CNTN3: variants seen among roughly 807,000 people sequenced by gnomAD.
CNTN3 encodes the protein contactin-3.
A neutral mutation model predicts 119.1 loss-of-function variants in CNTN3; 60 were observed. That is an observed-to-expected ratio of 0.50 (90% CI 0.41 to 0.62). The LOEUF is 0.62. Ranked by LOEUF, CNTN3 falls within the 20% of genes least tolerant of loss-of-function variation. CNTN3 has a pLI of 0.00. For synonymous variants in CNTN3, 450 were observed against 438.7 expected, an observed-to-expected ratio of 1.03 and a Z score of -0.32; for missense variants, 1,101 against 1,242.4, an observed-to-expected ratio of 0.89 and a Z score of 1.71.
At chr3:74,472,378 C>A (rs1462460591) in intron 4 of CNTN3, among the ~76,000 whole-genome samples, 1 of 152,066 alleles carries the variant, frequency 6.6e-6, no homozygotes, top group African/African-American at 2.4e-5. Flanking sequence ...CATAGCAAGT[C>A]CAGTGAAAAT....
chr3:74,403,428 T>A (rs1257459346), intron 5 of CNTN3, among the ~76,000 whole-genome samples: 1 of 152,124 alleles, frequency 6.6e-6, no homozygotes, highest in African/African-American at 2.4e-5. Flanking sequence ...TTGAGAAAAG[T>A]CACAAAGCAC....
intron 11 of CNTN3, among the ~76,000 whole-genome samples, chr3:74,340,128 A>C (rs762556562): frequency 2.6e-5 from 4 of 152,154 alleles, no homozygotes; most frequent in Non-Finnish European, 4.4e-5. Context: ...GTAAGTAGAG[A>C]CTATTTAAAG....
At chr3:74,460,679 T>C (rs909550290) in intron 4 of CNTN3, among the ~76,000 whole-genome samples, 2 of 151,026 alleles carry the variant, frequency 1.3e-5, no homozygotes, top group African/African-American at 4.8e-5. Flanking sequence ...GATACTTTTG[T>C]AGATTCCTTG....
At chr3:74,445,111 T>C (rs1240562031) in intron 4 of CNTN3, among the ~76,000 whole-genome samples, 2 of 152,218 alleles carry the variant, frequency 1.3e-5, no homozygotes, top group African/African-American at 4.8e-5. Context: ...GTATGATTGA[T>C]GCCACTAATG....
intron 11 of CNTN3, among the ~76,000 whole-genome samples, chr3:74,338,456 A>AGTGTG: frequency 6.9e-6 from 1 of 144,906 alleles, no homozygotes; most frequent in African/African-American, 2.8e-5. Flanking sequence ...ACACGTGCAC[A>AGTGTG]TATGTGTATA....
intron 11 of CNTN3, among the ~76,000 whole-genome samples, chr3:74,356,380 C>T (rs1703934549): frequency 6.6e-6 from 1 of 152,062 alleles, no homozygotes; most frequent in Admixed American, 6.5e-5. Flanking sequence ...TACTCTTCTC[C>T]AACAAAAACC....
Position 74,297,940 on chromosome 3 carries a change from A to G in CNTN3, c.2401+17T>C. 6.3e-7 allele frequency: 1 copy of G among 1,576,862 alleles called. No homozygotes were observed. Among genetic ancestry groups the G allele is most frequent in the Non-Finnish European group, 8.7e-7 (1 of 1,147,878 alleles). ...TTATTATTAGGCGGAACTGATATAC[A>G]GTCATGTTTTCCATACCTTCTTCTG... On this transcript the variant is annotated intron_variant, in intron 18 of 22. Transcript: ENST00000263665.
At chr3:74,350,081 A>G (rs1184409471) in intron 11 of CNTN3, among the ~76,000 whole-genome samples, 1 of 152,202 alleles carries the variant, frequency 6.6e-6, no homozygotes, top group Non-Finnish European at 1.5e-5. Flanking sequence ...TAGCTGCAAA[A>G]TTTAGTTGAT....
At chr3:74,396,976 T>C (rs1222565984) in intron 5 of CNTN3, among the ~76,000 whole-genome samples, 1 of 152,158 alleles carries the variant, frequency 6.6e-6, no homozygotes, top group South Asian at 2.1e-4. Flanking sequence ...ACTTTCAATG[T>C]AGATGAAATA....
At chr3:74,553,556 T>C (rs2107163845) in intron 1 of CNTN3, among the ~76,000 whole-genome samples, 1 of 152,324 alleles carries the variant, frequency 6.6e-6, no homozygotes, top group Admixed American at 6.5e-5. Context: ...CCACCAACAG[T>C]GTAAAAGCAT....
chr3:74,272,547 G>A (rs1701798283), intron 20 of CNTN3, among the ~76,000 whole-genome samples: 1 of 152,130 alleles, frequency 6.6e-6, no homozygotes, highest in South Asian at 2.1e-4. Context: ...CTGAATCTGA[G>A]GAATGCACAT....
chr3:74,592,357 T>C lies in CNTN3; in HGVS notation c.-81+22034A>G, dbSNP rs971074800. 2.2e-4 allele frequency among the ~76,000 whole-genome samples: 34 copies of C among 151,852 alleles called. 1 individual carries two copies. The highest frequency in any genetic ancestry group is 5.9e-5 in the Non-Finnish European group (4 of 67,914). On this transcript the variant is annotated intron_variant, in intron 1 of 22. Coordinates refer to ENST00000263665, the MANE Select transcript of CNTN3 (RefSeq NM_020872.3). ...CAGGTCACCATTACTGACTGCAATA[T>C]AGAGTATGATGAGAAATGTTGATTT...
chr3:74,380,030 T>C, intron 5 of CNTN3, among the ~76,000 whole-genome samples: 1 of 152,346 alleles, frequency 6.6e-6, no homozygotes, highest in South Asian at 2.1e-4. Context: ...ACCTGGACTT[T>C]CTGGTACAGT....
intron 22 of CNTN3, among the ~76,000 whole-genome samples, chr3:74,265,710 T>A (rs1021423283): frequency 6.6e-6 from 1 of 152,092 alleles, no homozygotes; most frequent in African/African-American, 2.4e-5. Context: ...TTTCCAAGAT[T>A]AAAGACAAAA....
At chr3:74,371,082 A>G (rs1288969757) in intron 6 of CNTN3, 114 bp downstream of exon 6, 1 of 735,130 alleles carries the variant, frequency 1.4e-6, no homozygotes, top group African/African-American at 1.8e-5. Context: ...GTCTGTGCCA[A>G]AAAACATGAA....
Position 74,333,297 on chromosome 3 carries a change from A to C in CNTN3, c.1668+1438T>G, listed in dbSNP as rs142474472. The stretch of plus-strand genomic sequence containing the variant: ...AGGTTGCCGTAAGGCAGTACCAAAA[A>C]CTTGGTGGCTTAACAGAAATGTATC... On this transcript the variant is annotated intron_variant, in intron 13 of 22. Coordinates refer to ENST00000263665, the MANE Select transcript of CNTN3 (RefSeq NM_020872.3). Among the ~76,000 whole-genome samples, 859 of 152,348 alleles carry C rather than the reference A, an allele frequency of 5.6e-3. 8 individuals are homozygous for C. The highest frequency in any genetic ancestry group is 0.019 in the African/African-American group (804 of 41,586).
intron 3 of CNTN3, among the ~76,000 whole-genome samples, chr3:74,491,696 G>T (rs1338766445): frequency 6.6e-6 from 1 of 152,024 alleles, no homozygotes; most frequent in Non-Finnish European, 1.5e-5. Flanking sequence ...ACAGGTAAAT[G>T]GCACACTCAG....
intron 1 of CNTN3, among the ~76,000 whole-genome samples, chr3:74,595,463 T>C (rs1704789089): frequency 6.6e-6 from 1 of 152,164 alleles, no homozygotes; most frequent in Non-Finnish European, 1.5e-5. Flanking sequence ...CTTGAATTAA[T>C]TTTTGTAGAA....
In CNTN3 at chr3:74,301,413, T is replaced by G. The variant is rs748336177; in HGVS notation, c.2080A>C (p.Arg694=). 1.9e-6 allele frequency: 3 copies of G among 1,613,936 alleles called. No homozygotes were observed. Among genetic ancestry groups the G allele is most frequent in the Admixed American group, 1.7e-5 (1 of 59,984 alleles). ...AAACACTAACCTGCCTCTTCAGTTC[T>G]TACTTTTTCTGAGGGTAAACTTGGT... ...GEPSLPSEKV[R]TEEAVPEVPP... The change falls in exon 16 of 23, where the codon AGA becomes CGA. Residue 694 remains arginine (R), a synonymous_variant. Transcript: ENST00000263665.
Sources: gnomAD v4.1 joint callset for allele counts (sites outside exome capture counted in the v4.1 genomes callset) on GRCh38, gnomAD v4.1.1 for gene constraint, MANE v1.5 for transcripts, NCBI Gene and HGNC (gene_info 2026-07-23, HGNC 2026-07-21) for gene names.